The following PARD3B variants were observed in gnomAD, a reference collection of about 807,000 sequenced individuals.
PARD3B encodes the protein par-3 family cell polarity regulator beta.
Under a neutral mutation model 130.2 loss-of-function variants are expected in PARD3B, and 103 were observed. The observed-to-expected ratio is 0.79, with a 90% CI of 0.67 to 0.93. The LOEUF (loss-of-function observed/expected upper bound fraction) is 0.93. Ranked by LOEUF, PARD3B falls within the 40% of genes least tolerant of loss-of-function variation. The pLI, the probability that PARD3B is intolerant of heterozygous loss-of-function variation, is 0.00. For missense variants in PARD3B, 1,609 were observed against 1,499.2 expected (o/e 1.07, Z -1.21); for synonymous variants, 583 against 553.2 (o/e 1.05, Z -0.76).
intron 16 of PARD3B, among the ~76,000 whole-genome samples, chr2:205,247,793 C>T (rs2039633645): frequency 6.6e-6 from 1 of 152,164 alleles, no homozygotes; most frequent in South Asian, 2.1e-4. Context: ...TGTAGAGTCA[C>T]ATTAAATGAG....
chr2:205,400,450 C>T (rs553801325), intron 18 of PARD3B, among the ~76,000 whole-genome samples: 5 of 151,956 alleles, frequency 3.3e-5, no homozygotes, highest in South Asian at 2.1e-4. Flanking sequence ...AGACCAGTCT[C>T]GCCAACGTGG....
intron 15 of PARD3B, among the ~76,000 whole-genome samples, chr2:205,211,076 G>T (rs1051612064): frequency 1.3e-5 from 2 of 152,038 alleles, no homozygotes; most frequent in African/African-American, 4.8e-5. Context: ...GCAGAATTCA[G>T]ATTTATTTAT....
At chr2:205,514,385 A>T (rs532833603) in intron 21 of PARD3B, among the ~76,000 whole-genome samples, 1 of 152,276 alleles carries the variant, frequency 6.6e-6, no homozygotes, top group East Asian at 1.9e-4. Flanking sequence ...TGATTTTAGG[A>T]GGCTGAAAAA....
chr2:204,788,886 T>G (rs151145222), intron 2 of PARD3B, among the ~76,000 whole-genome samples: 90 of 152,346 alleles, frequency 5.9e-4, no homozygotes, highest in Non-Finnish European at 1.0e-3. Flanking sequence ...ATGTATATTA[T>G]ATTGTATAAT....
At chr2:205,133,454 G>T (rs1230754883) in intron 10 of PARD3B, among the ~76,000 whole-genome samples, 2 of 152,106 alleles carry the variant, frequency 1.3e-5, no homozygotes, top group African/African-American at 4.8e-5. Context: ...AGAAATTCTG[G>T]AGGTGGGCTT....
chr2:205,217,858 GTGTGTGTGTGTA>G (rs1306124254), intron 15 of PARD3B, among the ~76,000 whole-genome samples: 56 of 83,654 alleles, frequency 6.7e-4, no homozygotes, highest in Admixed American at 1.8e-3. Context: ...GTGTGTGTGT[GTGTGTGTGTGTA>G]TATATATATA....
At chr2:204,934,876 T>C (rs1042226944) in intron 2 of PARD3B, among the ~76,000 whole-genome samples, 1 of 152,158 alleles carries the variant, frequency 6.6e-6, no homozygotes, top group Non-Finnish European at 1.5e-5. Context: ...TCCCATGATG[T>C]TTGGGGCTAA....
intron 3 of PARD3B, among the ~76,000 whole-genome samples, chr2:205,016,167 G>A (rs545075091): frequency 1.3e-5 from 2 of 152,180 alleles, no homozygotes; most frequent in South Asian, 2.1e-4. Flanking sequence ...AAATATAAAA[G>A]GCAAATATAA....
intron 22 of PARD3B, among the ~76,000 whole-genome samples, chr2:205,581,309 T>C (rs567786735): frequency 6.8e-6 from 1 of 147,968 alleles, no homozygotes; most frequent in Non-Finnish European, 1.5e-5. Flanking sequence ...GATAGATAGA[T>C]AGATCCTGTC....
chr2:205,332,387 TC>T (rs1362442119), intron 18 of PARD3B, among the ~76,000 whole-genome samples: 1 of 151,080 alleles, frequency 6.6e-6, no homozygotes, highest in Non-Finnish European at 1.5e-5. Context: ...GTTGAAGATC[TC>T]CCCAAGCCCC....
At chr2:204,894,320 C>A (rs1040755235) in intron 2 of PARD3B, among the ~76,000 whole-genome samples, 4 of 151,546 alleles carry the variant, frequency 2.6e-5, no homozygotes, top group Non-Finnish European at 5.9e-5. Flanking sequence ...TTTCTTTAAA[C>A]AAATAGTTTG....
chr2:205,297,777 T>A (rs908749728), intron 16 of PARD3B, among the ~76,000 whole-genome samples: 2 of 152,216 alleles, frequency 1.3e-5, no homozygotes, highest in Non-Finnish European at 2.9e-5. Context: ...ATTTACAACC[T>A]AAGGACTCAA....
intron 2 of PARD3B, among the ~76,000 whole-genome samples, chr2:204,858,382 A>G (rs751305037): frequency 6.6e-6 from 1 of 152,016 alleles, no homozygotes; most frequent in Non-Finnish European, 1.5e-5. Context: ...AGCCTTTTTA[A>G]AAAAGGAGAT....
intron 19 of PARD3B, among the ~76,000 whole-genome samples, chr2:205,436,225 C>T (rs762531933): frequency 3.3e-5 from 5 of 152,198 alleles, no homozygotes; most frequent in Admixed American, 6.5e-5. Context: ...CCTCTTAATA[C>T]TACCACAATG....
In PARD3B at chr2:204,985,628, TGGCAGA is replaced by T. The variant is rs562266980; in HGVS notation, c.394+20308_394+20313del. On this transcript the variant is annotated intron_variant, in intron 3 of 22. Transcript: ENST00000406610. ...GCATCTGCCGCCCTGACTTCTTCAG[TGGCAGA>T]GGGCCCACCTCAGCCACAGTTGTTA... Among the ~76,000 whole-genome samples the T allele has an allele frequency of 7.2e-5, 11 of 152,272 alleles. No homozygotes were observed. The East Asian group carries it at 2.1e-3, about 29-fold the overall frequency.
At chr2:205,109,275 C>T (rs893048458) in intron 5 of PARD3B, among the ~76,000 whole-genome samples, 6 of 152,230 alleles carry the variant, frequency 3.9e-5, no homozygotes, top group Admixed American at 1.3e-4. Flanking sequence ...CTCTGTAGTC[C>T]GCCTCTCATA....
At chr2:205,373,675 A>G (rs923717982) in intron 18 of PARD3B, among the ~76,000 whole-genome samples, 3 of 152,198 alleles carry the variant, frequency 2.0e-5, no homozygotes, top group Non-Finnish European at 2.9e-5. Context: ...GTTATGCTTG[A>G]TACTTTCATG....
intron 4 of PARD3B, among the ~76,000 whole-genome samples, chr2:205,065,152 A>C (rs1207470445): frequency 6.6e-6 from 1 of 152,236 alleles, no homozygotes; most frequent in African/African-American, 2.4e-5. Context: ...GAGGTCAGCT[A>C]TTTCCACATT....
intron 3 of PARD3B, among the ~76,000 whole-genome samples, chr2:205,032,151 T>C (rs1418550712): frequency 1.3e-5 from 2 of 152,148 alleles, no homozygotes; most frequent in Non-Finnish European, 2.9e-5. Flanking sequence ...TTGAATTTGA[T>C]GCCAGGAGTT....
Sources: allele counts gnomAD v4.1 joint callset (sites outside exome capture counted in the v4.1 genomes callset), GRCh38; gene constraint gnomAD v4.1.1; transcripts MANE v1.5; gene names NCBI Gene and HGNC (gene_info 2026-07-23, HGNC 2026-07-21).